The following RICTOR variants were observed in gnomAD, a reference collection of about 807,000 sequenced individuals.
RICTOR encodes rapamycin-insensitive companion of mTOR.
RICTOR carries 49 observed loss-of-function variants against 214.9 expected under a neutral mutation model. The observed-to-expected ratio is 0.23, with a 90% CI of 0.18 to 0.29. The LOEUF (loss-of-function observed/expected upper bound fraction) is 0.29, where lower values mean the gene tolerates loss of function less well. RICTOR is among the 10% of genes least tolerant of loss of function. RICTOR has a pLI of 1.00. For synonymous variants in RICTOR, 717 were observed against 711.3 expected (o/e 1.01, Z -0.13); for missense variants, 1,625 against 2,047.0 (o/e 0.79, Z 3.98).
intron 3 of RICTOR, among the ~76,000 whole-genome samples, chr5:39,009,814 G>GAAAT (rs1359060748): frequency 6.6e-6 from 1 of 152,090 alleles, no homozygotes; most frequent in African/African-American, 2.4e-5. Flanking sequence ...GATTATCAAA[G>GAAAT]AAATATTATA....
chr5:39,052,705 A>C (rs892436885), intron 2 of RICTOR, among the ~76,000 whole-genome samples: 2 of 152,180 alleles, frequency 1.3e-5, no homozygotes, highest in Admixed American at 6.5e-5. Context: ...AGTCCTCTTA[A>C]TACTGTCAGT....
At chr5:39,065,902 T>C (rs1470092271) in intron 2 of RICTOR, among the ~76,000 whole-genome samples, 1 of 152,254 alleles carries the variant, frequency 6.6e-6, no homozygotes, top group Admixed American at 6.5e-5. Flanking sequence ...CAGGTTTTAG[T>C]TGAATGCCTG....
At chr5:39,032,151 T>G (rs537889092) in intron 2 of RICTOR, among the ~76,000 whole-genome samples, 1 of 152,304 alleles carries the variant, frequency 6.6e-6, no homozygotes, top group African/African-American at 2.4e-5. Flanking sequence ...TATTCCATCT[T>G]TGGATAGAAA....
At chr5:39,011,781 G>A (rs1405544345) in intron 3 of RICTOR, among the ~76,000 whole-genome samples, 3 of 152,120 alleles carry the variant, frequency 2.0e-5, no homozygotes, top group Non-Finnish European at 2.9e-5. Flanking sequence ...TCTCCCCTTT[G>A]GAATGGGTGT....
chr5:38,971,738 T>C (rs1397200796), intron 11 of RICTOR, 139 bp downstream of exon 11: 7 of 577,020 alleles, frequency 1.2e-5, no homozygotes, highest in Non-Finnish European at 2.1e-5. Flanking sequence ...GTAGTAAATA[T>C]TTACTTCTGT....
intron 2 of RICTOR, among the ~76,000 whole-genome samples, chr5:39,068,426 T>C (rs1364055810): frequency 3.9e-5 from 6 of 152,132 alleles, no homozygotes. Flanking sequence ...GAGGCAGATA[T>C]ATTGAGATGT....
intron 9 of RICTOR, 93 bp from the exon 10 acceptor site, chr5:38,975,697 C>A: frequency 3.4e-6 from 3 of 885,080 alleles, no homozygotes; most frequent in Non-Finnish European, 5.6e-6. Context: ...AGAGCTATCA[C>A]TAATGTTTAA....
At chr5:38,978,454 A>C in intron 9 of RICTOR, 129 bp downstream of exon 9, 1 of 414,384 alleles carries the variant, frequency 2.4e-6, no homozygotes, top group Non-Finnish European at 4.2e-6. Flanking sequence ...AAATGCAACT[A>C]ATTCTATAAA....
chr5:39,065,535 C>T lies in RICTOR; in HGVS notation c.97+8576G>A, dbSNP rs147115216. ...TCCCAACAGTCTCCCAAAGTCTTAA[C>T]TCATTCCAGCATTAACTCTGAAGTC... On this transcript the variant is annotated intron_variant, in intron 2 of 37. Transcript: ENST00000357387. 3.4e-3 allele frequency among the ~76,000 whole-genome samples: 512 copies of T among 152,332 alleles called. 5 individuals are homozygous for T. Among genetic ancestry groups the T allele is most frequent in the Non-Finnish European group, 5.0e-3 (339 of 68,034 alleles).
In RICTOR at chr5:39,065,935, C is replaced by A. The variant is rs193270898; in HGVS notation, c.97+8176G>T. On this transcript the variant is annotated intron_variant, in intron 2 of 37. Coordinates refer to ENST00000357387, the MANE Select transcript of RICTOR (RefSeq NM_152756.5). ...CTGTGGCTTCTCCAGGTATAGGATG[C>A]AAACTGCCAGTGGATCTACCATTCT... Among the ~76,000 whole-genome samples the A allele has an allele frequency of 8.2e-4, 125 of 152,352 alleles. 1 individual carries two copies. The highest frequency in any genetic ancestry group is 2.9e-3 in the African/African-American group (120 of 41,584).
chr5:39,047,811 C>G (rs905768859), intron 2 of RICTOR, among the ~76,000 whole-genome samples: 7 of 152,098 alleles, frequency 4.6e-5, no homozygotes, highest in Non-Finnish European at 8.8e-5. Context: ...GACTATGGAC[C>G]TGTACAATTA....
At chr5:38,983,779 G>T (rs909318078) in intron 7 of RICTOR, among the ~76,000 whole-genome samples, 2 of 152,072 alleles carry the variant, frequency 1.3e-5, no homozygotes, top group African/African-American at 4.8e-5. Flanking sequence ...TGGCCAACAT[G>T]GTGAAACCCC....
intron 2 of RICTOR, among the ~76,000 whole-genome samples, chr5:39,054,561 G>T (rs923013446): frequency 1.3e-5 from 2 of 152,150 alleles, no homozygotes; most frequent in Non-Finnish European, 2.9e-5. Flanking sequence ...TTGATCAAAC[G>T]AATAGAATAA....
chr5:39,025,263 C>T (rs1269601784), intron 2 of RICTOR, among the ~76,000 whole-genome samples: 1 of 152,224 alleles, frequency 6.6e-6, no homozygotes, highest in Non-Finnish European at 1.5e-5. Context: ...AAACTACCAT[C>T]TAACATTCAT....
chr5:38,996,524 G>A (rs531583937), intron 6 of RICTOR, among the ~76,000 whole-genome samples: 1 of 152,298 alleles, frequency 6.6e-6, no homozygotes, highest in East Asian at 1.9e-4. Flanking sequence ...TCTTCCTCTA[G>A]TAACTTATCA....
At chr5:39,032,957 G>GC (rs1756377273) in intron 2 of RICTOR, among the ~76,000 whole-genome samples, 1 of 152,038 alleles carries the variant, frequency 6.6e-6, no homozygotes, top group Non-Finnish European at 1.5e-5. Context: ...TAACCTACAA[G>GC]CCCCCTTCTC....
rs772897535 is a variant in RICTOR, at chr5:38,942,907, G to A, written c.4978C>T (p.Leu1660=). The change falls in exon 37 of 38, where the codon CTG becomes TTG. Residue 1660 remains leucine (L), a synonymous_variant. Transcript: ENST00000357387. ...ICLYSEVSHL[L]SHCTFRLPCR... ...GGAAGTCTGAATGTGCAGTGTGACA[G>A]CAAATGGGAAACCTCAGAGTAAAGG... 6 of 1,607,440 alleles carry A rather than the reference G, an allele frequency of 3.7e-6. No individual in the cohort carries two copies. The highest frequency in any genetic ancestry group is 5.1e-6 in the Non-Finnish European group (6 of 1,173,934).
intron 6 of RICTOR, among the ~76,000 whole-genome samples, chr5:38,995,707 GT>G (rs1237336752): frequency 1.3e-5 from 2 of 151,754 alleles, no homozygotes; most frequent in African/African-American, 4.8e-5. Context: ...CCAAAAAATT[GT>G]TCTAGGTTCT....
At chr5:38,970,592 C>T (rs930808305) in intron 11 of RICTOR, 1 of 152,046 alleles carries the variant, frequency 6.6e-6, no homozygotes, top group African/African-American at 2.4e-5. Context: ...GCACACCTGG[C>T]TAATATTTTC....
Sources: allele counts gnomAD v4.1 joint callset (sites outside exome capture counted in the v4.1 genomes callset), GRCh38; gene constraint gnomAD v4.1.1; transcripts MANE v1.5; gene names NCBI Gene and HGNC (gene_info 2026-07-23, HGNC 2026-07-21).